Variants in PCDH15 observed in about 807,000 individuals in gnomAD.
The protein encoded by PCDH15 is protocadherin related 15.
In PCDH15, 129 loss-of-function variants were observed where a neutral mutation model predicts 178.5. The observed-to-expected ratio is 0.72, with a 90% CI of 0.63 to 0.84. The LOEUF is 0.84. Among genes scored for constraint, PCDH15 ranks in the 40% least tolerant of loss-of-function variants. The pLI is 0.00. For missense variants in PCDH15, 2,230 were observed against 2,099.9 expected, an observed-to-expected ratio of 1.06 and a Z score of -1.21; for synonymous variants, 800 against 732.0, an observed-to-expected ratio of 1.09 and a Z score of -1.50.
At chr10:54,094,611 C>T (rs901772558) in intron 15 of PCDH15, among the ~76,000 whole-genome samples, 1 of 152,112 alleles carries the variant, frequency 6.6e-6, no homozygotes, top group African/African-American at 2.4e-5. Flanking sequence ...GTACTTCGAC[C>T]ACTTTAATAC....
At chr10:55,307,593 G>T (rs1843462803) in intron 1 of PCDH15, among the ~76,000 whole-genome samples, 1 of 149,670 alleles carries the variant, frequency 6.7e-6, no homozygotes, top group African/African-American at 2.5e-5. Flanking sequence ...TTTCTTTTCT[G>T]CTTTCTAACT....
intron 3 of PCDH15, among the ~76,000 whole-genome samples, chr10:54,457,250 G>A (rs910253864): frequency 2.6e-5 from 4 of 152,004 alleles, no homozygotes; most frequent in Admixed American, 1.3e-4. Flanking sequence ...ACAAAAAAAC[G>A]AGCTATCAAC....
At chr10:54,875,390 T>A (rs191191650) in intron 3 of PCDH15, among the ~76,000 whole-genome samples, 1 of 152,252 alleles carries the variant, frequency 6.6e-6, no homozygotes, top group Admixed American at 6.5e-5. Flanking sequence ...CTGGGCCAGT[T>A]AATTACCTTA....
At chr10:54,544,953 T>C (rs1452553192) in intron 2 of PCDH15, among the ~76,000 whole-genome samples, 1 of 152,132 alleles carries the variant, frequency 6.6e-6, no homozygotes, top group Non-Finnish European at 1.5e-5. Context: ...TTTTCAAAAT[T>C]TTTCAATTAT....
At chr10:54,921,313 AT>A (rs1837480888) in intron 2 of PCDH15, among the ~76,000 whole-genome samples, 3 of 149,972 alleles carry the variant, frequency 2.0e-5, no homozygotes, top group South Asian at 4.2e-4. Flanking sequence ...TATTATTTTT[AT>A]TTTTATTTAT....
chr10:53,913,609 T>C (rs1404988892), intron 25 of PCDH15, among the ~76,000 whole-genome samples: 1 of 150,628 alleles, frequency 6.6e-6, no homozygotes, highest in African/African-American at 2.4e-5. Flanking sequence ...CTGGGCATTG[T>C]GGTGGGCGTC....
At chr10:54,668,300 G>A (rs1565897598) in intron 1 of PCDH15, among the ~76,000 whole-genome samples, 1 of 152,058 alleles carries the variant, frequency 6.6e-6, no homozygotes, top group Admixed American at 6.6e-5. Flanking sequence ...ATGTTAAAAT[G>A]TAATAAGTGA....
chr10:54,554,641 T>C (rs2086972236), intron 2 of PCDH15, among the ~76,000 whole-genome samples: 1 of 152,122 alleles, frequency 6.6e-6, no homozygotes, highest in Non-Finnish European at 1.5e-5. Flanking sequence ...ATGAATCAAT[T>C]TGAAACTTTA....
chr10:55,523,660 C>T (rs1318090704), intron 2 of PCDH15, among the ~76,000 whole-genome samples: 1 of 151,574 alleles, frequency 6.6e-6, no homozygotes, highest in Non-Finnish European at 1.5e-5. Context: ...CAACCCCCTA[C>T]CCCCAGCTTC....
At chr10:54,330,960 C>A (rs571092339) in intron 6 of PCDH15, among the ~76,000 whole-genome samples, 49 of 148,860 alleles carry the variant, frequency 3.3e-4, no homozygotes, top group Non-Finnish European at 5.9e-4. Flanking sequence ...TAGATTGCTG[C>A]AAAAGGAAGG....
chr10:54,425,452 T>G (rs1956160862), intron 3 of PCDH15, among the ~76,000 whole-genome samples: 1 of 152,142 alleles, frequency 6.6e-6, no homozygotes, highest in Non-Finnish European at 1.5e-5. Flanking sequence ...CCATCGACCT[T>G]GGATTTCCAA....
chr10:54,269,920 A>G (rs1285780822), intron 8 of PCDH15, among the ~76,000 whole-genome samples: 1 of 151,994 alleles, frequency 6.6e-6, no homozygotes, highest in African/African-American at 2.4e-5. Flanking sequence ...ACACATAATA[A>G]ATTTCTAAGT....
At chr10:55,115,006 T>C (rs914064902) in intron 2 of PCDH15, among the ~76,000 whole-genome samples, 6 of 152,198 alleles carry the variant, frequency 3.9e-5, no homozygotes, top group South Asian at 2.1e-4. Flanking sequence ...AAATAGTTAA[T>C]GTTAAGTTAT....
At chr10:54,869,759 T>TC (rs1199773884) in intron 3 of PCDH15, among the ~76,000 whole-genome samples, 5 of 152,196 alleles carry the variant, frequency 3.3e-5, no homozygotes, top group Non-Finnish European at 7.3e-5. Context: ...ACAAGAGTGA[T>TC]CCCAAAGTTC....
At chr10:54,752,512 ACAAACAAACAAACAAAC>A (rs1566128322) in intron 1 of PCDH15, among the ~76,000 whole-genome samples, 73 of 85,230 alleles carry the variant, frequency 8.6e-4, no homozygotes, top group Non-Finnish European at 1.4e-3. Flanking sequence ...AAAACAAAAA[ACAAACAAACAAACAAAC>A]AAAAAAAAAC....
At chr10:54,926,354 T>G (rs951413842) in intron 2 of PCDH15, among the ~76,000 whole-genome samples, 1 of 152,118 alleles carries the variant, frequency 6.6e-6, no homozygotes, top group African/African-American at 2.4e-5. Flanking sequence ...TCTGCCAGTA[T>G]TTTGCTGTGG....
At chr10:54,326,589 T>C (rs1260141926) in intron 7 of PCDH15, among the ~76,000 whole-genome samples, 1 of 152,136 alleles carries the variant, frequency 6.6e-6, no homozygotes, top group Non-Finnish European at 1.5e-5. Context: ...TTTATTAATA[T>C]ACCCATTTTA....
chr10:54,298,619 G>A (rs543567024), intron 8 of PCDH15, among the ~76,000 whole-genome samples: 154 of 152,330 alleles, frequency 1.0e-3, no homozygotes, highest in African/African-American at 3.6e-3. Context: ...GAGGGCAAAG[G>A]TTCTCTGGGC....
At chr10:55,028,156 T>C (rs1564730189) in intron 2 of PCDH15, among the ~76,000 whole-genome samples, 1 of 151,908 alleles carries the variant, frequency 6.6e-6, no homozygotes, top group Non-Finnish European at 1.5e-5. Flanking sequence ...CTGTATGATG[T>C]AGTACTATTA....
Sources: allele counts gnomAD v4.1 joint callset (sites outside exome capture counted in the v4.1 genomes callset), GRCh38; gene constraint gnomAD v4.1.1; transcripts MANE v1.5; gene names NCBI Gene and HGNC (gene_info 2026-07-23, HGNC 2026-07-21).